CSMD1: variants seen among roughly 807,000 people sequenced by gnomAD.
CSMD1 encodes the protein CUB and sushi domain-containing protein 1.
A neutral mutation model predicts 417.5 loss-of-function variants in CSMD1; 213 were observed. The ratio of observed to expected loss-of-function variants is 0.51; its 90% CI spans 0.46 to 0.57. The LOEUF is 0.57. CSMD1 is among the 20% of genes least tolerant of loss of function. The pLI is 0.00. For synonymous variants in CSMD1, 2,862 were observed against 1,736.8 expected (o/e 1.65, Z -16.11); for missense variants, 6,923 against 4,529.7 (o/e 1.53, Z -15.17).
chr8:4,388,919 T>C (rs967960852), intron 3 of CSMD1, among the ~76,000 whole-genome samples: 11 of 152,174 alleles, frequency 7.2e-5, no homozygotes, highest in Non-Finnish European at 5.9e-5. Context: ...TTGTTCAAAG[T>C]TACTAATGCT....
chr8:3,908,133 A>T (rs1380099371), intron 5 of CSMD1, among the ~76,000 whole-genome samples: 1 of 152,160 alleles, frequency 6.6e-6, no homozygotes, highest in Non-Finnish European at 1.5e-5. Context: ...AGAATAACAA[A>T]TACATGGCAA....
At chr8:3,920,933 C>A (rs2554628) in intron 5 of CSMD1, among the ~76,000 whole-genome samples, 137,293 of 151,992 alleles carry the variant, frequency 0.9, 62,167 homozygotes, top group East Asian at 0.97. Flanking sequence ...CTGTACATTT[C>A]TTTTATTGTA....
intron 6 of CSMD1, among the ~76,000 whole-genome samples, chr8:3,712,396 G>GAGAC (rs1801570293): frequency 1.6e-5 from 1 of 63,924 alleles, no homozygotes; most frequent in African/African-American, 6.8e-5. Context: ...GAGAGAGAGA[G>GAGAC]AGAGACAGAC....
chr8:3,610,350 C>T (rs1283647570), intron 8 of CSMD1, among the ~76,000 whole-genome samples: 4 of 152,086 alleles, frequency 2.6e-5, no homozygotes, highest in African/African-American at 9.7e-5. Context: ...CTAGGCAACA[C>T]AGCGAGACCT....
chr8:3,398,870 A>G (rs373075534), intron 16 of CSMD1, among the ~76,000 whole-genome samples: 15 of 152,284 alleles, frequency 9.9e-5, no homozygotes, highest in African/African-American at 3.6e-4. Flanking sequence ...ATGCATTATT[A>G]AATAGCTAAG....
chr8:4,857,474 A>G (rs1180651389), intron 1 of CSMD1, among the ~76,000 whole-genome samples: 2 of 152,222 alleles, frequency 1.3e-5, no homozygotes, highest in East Asian at 3.8e-4. Flanking sequence ...TAATGAATCC[A>G]GGAGCTCGTT....
At chr8:3,671,423 CTATA>C (rs933496450) in intron 7 of CSMD1, among the ~76,000 whole-genome samples, 2 of 144,358 alleles carry the variant, frequency 1.4e-5, no homozygotes, top group South Asian at 2.2e-4. Flanking sequence ...CCTAACAGTA[CTATA>C]TATATAGTCA....
chr8:4,124,969 T>A (rs958396961), intron 3 of CSMD1, among the ~76,000 whole-genome samples: 1 of 152,066 alleles, frequency 6.6e-6, no homozygotes, highest in Non-Finnish European at 1.5e-5. Context: ...TCTTGGAAGT[T>A]TTACTGTCGC....
At position 4,479,965 on chromosome 8, in the gene CSMD1, C is replaced by CAA. The variant is rs34081481; in HGVS notation, c.303-59902_303-59901dup. 2.9e-3 allele frequency among the ~76,000 whole-genome samples: 314 copies of CAA among 107,876 alleles called. 2 individuals are homozygous for CAA. Among genetic ancestry groups the CAA allele is most frequent in the African/African-American group, 9.7e-3 (295 of 30,360 alleles). 70.8% of individuals were successfully genotyped at this position (107,876 alleles called of 152,430 possible). A position where few individuals can be genotyped will look rare whatever the true frequency, so the allele number is the denominator to read the frequency against. On this transcript the variant is annotated intron_variant, in intron 2 of 69. Transcript: ENST00000635120. ...TGGGTGACACAGCAAGTCTCTGTCT[C>CAA]AAAAAAAAAAAAAAATAAAAAGTCA...
intron 5 of CSMD1, among the ~76,000 whole-genome samples, chr8:3,850,747 T>A (rs1803846692): frequency 6.6e-6 from 1 of 151,986 alleles, no homozygotes; most frequent in South Asian, 2.1e-4. Flanking sequence ...AAAATTGAAA[T>A]TCGCATTTAT....
At chr8:2,967,736 A>T (rs1377188561) in intron 57 of CSMD1, among the ~76,000 whole-genome samples, 1 of 152,212 alleles carries the variant, frequency 6.6e-6, no homozygotes, top group Non-Finnish European at 1.5e-5. Flanking sequence ...AAACAATTTC[A>T]AATCTGGCCT....
At chr8:3,406,584 G>C (rs1203869104) in intron 14 of CSMD1, among the ~76,000 whole-genome samples, 1 of 152,060 alleles carries the variant, frequency 6.6e-6, no homozygotes, top group Non-Finnish European at 1.5e-5. Flanking sequence ...CTATGTCAGA[G>C]GACTCTGACA....
At chr8:3,597,137 G>A (rs900218) in intron 8 of CSMD1, among the ~76,000 whole-genome samples, 45,797 of 151,988 alleles carry the variant, frequency 0.3, 8,361 homozygotes, top group Middle Eastern at 0.44. Context: ...CAGACATATG[G>A]GATGCCCAAA....
chr8:4,720,005 G>T lies in CSMD1; in HGVS notation c.86-82447C>A, dbSNP rs929476046. ...CAAAATAATCAGTCATTCTCACCAA[G>T]TTTAAGTGCTTACTTACAGATCATT... is the stretch of plus-strand genomic sequence containing the variant. On this transcript the variant is annotated intron_variant, in intron 1 of 69. Transcript: ENST00000635120. Among the ~76,000 whole-genome samples the T allele has an allele frequency of 2.0e-5, 3 of 152,002 alleles. No homozygotes were observed. The East Asian group carries it at 5.8e-4, about 29-fold the overall frequency.
At chr8:3,973,299 G>T (rs1190258242) in intron 5 of CSMD1, among the ~76,000 whole-genome samples, 1 of 152,152 alleles carries the variant, frequency 6.6e-6, no homozygotes, top group Admixed American at 6.6e-5. Flanking sequence ...CACCTGCCGA[G>T]GGATTTGAAT....
intron 7 of CSMD1, among the ~76,000 whole-genome samples, chr8:3,650,016 T>A (rs960543339): frequency 6.6e-6 from 1 of 152,186 alleles, no homozygotes; most frequent in Non-Finnish European, 1.5e-5. Flanking sequence ...TGGTGGCTCA[T>A]GCCTGGAATC....
chr8:3,697,907 C>T (rs1428429996), intron 7 of CSMD1, among the ~76,000 whole-genome samples: 1 of 152,034 alleles, frequency 6.6e-6, no homozygotes, highest in Admixed American at 6.6e-5. Flanking sequence ...TGAGTTTTTC[C>T]CTTTAGTGAA....
intron 5 of CSMD1, among the ~76,000 whole-genome samples, chr8:3,851,359 T>C (rs1236167050): frequency 6.6e-6 from 1 of 152,212 alleles, no homozygotes; most frequent in Non-Finnish European, 1.5e-5. Flanking sequence ...ATTCCCCAAA[T>C]GGCCATCCCT....
At chr8:4,230,329 A>G (rs568767782) in intron 3 of CSMD1, among the ~76,000 whole-genome samples, 1 of 152,306 alleles carries the variant, frequency 6.6e-6, no homozygotes, top group South Asian at 2.1e-4. Context: ...TAATCCATCC[A>G]TTGCATAAAG....
Sources: allele counts gnomAD v4.1 joint callset (sites outside exome capture counted in the v4.1 genomes callset), GRCh38; gene constraint gnomAD v4.1.1; transcripts MANE v1.5; gene names NCBI Gene and HGNC (gene_info 2026-07-23, HGNC 2026-07-21).